Variants in GXYLT2 observed in about 807,000 individuals in gnomAD.
GXYLT2 encodes the protein glucoside xylosyltransferase 2.
In GXYLT2, 53 loss-of-function variants were observed where a neutral mutation model predicts 45.8. That is an observed-to-expected ratio of 1.16 (90% CI 0.93 to 1.46). The LOEUF (loss-of-function observed/expected upper bound fraction) is 1.46. Ranked by LOEUF, GXYLT2 falls within the 40% of genes most tolerant of loss-of-function variation. GXYLT2 has a pLI of 0.00. For synonymous variants in GXYLT2, 219 were observed against 214.2 expected (o/e 1.02, Z -0.19); for missense variants, 551 against 544.4 (o/e 1.01, Z -0.12).
At chr3:72,953,074 C>T (rs1267351652) in intron 3 of GXYLT2, among the ~76,000 whole-genome samples, 1 of 152,022 alleles carries the variant, frequency 6.6e-6, no homozygotes, top group Non-Finnish European at 1.5e-5. Flanking sequence ...CTAAGCAGTT[C>T]GCACAGGAGA....
intron 1 of GXYLT2, among the ~76,000 whole-genome samples, chr3:72,897,024 A>G (rs1459589506): frequency 1.3e-5 from 2 of 152,200 alleles, no homozygotes; most frequent in African/African-American, 2.4e-5. Context: ...TAATAGTAAT[A>G]ATGATGATGA....
chr3:72,957,400 C>A (rs745784898), intron 5 of GXYLT2, 48 bp downstream of exon 5: 34 of 1,540,620 alleles, frequency 2.2e-5, no homozygotes, highest in Non-Finnish European at 2.9e-5. Context: ...ACACTCAGCA[C>A]ACCCCACGGA....
At chr3:72,898,579 TG>T (rs905749835) in intron 1 of GXYLT2, among the ~76,000 whole-genome samples, 1 of 152,016 alleles carries the variant, frequency 6.6e-6, no homozygotes, top group Admixed American at 6.5e-5. Flanking sequence ...GAATGGCAGA[TG>T]GGGTGGGTTA....
intron 2 of GXYLT2, among the ~76,000 whole-genome samples, chr3:72,921,917 G>A (rs1177797260): frequency 6.6e-6 from 1 of 152,112 alleles, no homozygotes; most frequent in South Asian, 2.1e-4. Flanking sequence ...CTTTTGGGGT[G>A]TTGTTACCAG....
chr3:72,936,702 G>A (rs1273291503), intron 3 of GXYLT2, among the ~76,000 whole-genome samples: 3 of 152,048 alleles, frequency 2.0e-5, no homozygotes, highest in African/African-American at 7.2e-5. Context: ...ACAGCAAAAA[G>A]AGTCATTAAT....
chr3:72,974,955 CTTT>C lies in GXYLT2; in HGVS notation c.1150-15_1150-13del, dbSNP rs746999325. ...AATGGCATTTCCGTTACTAAATAAACTTTTTTTTTGTCATCTTTCAGTTTCCCT... is the reference window on the plus strand; with the variant it reads ...AATGGCATTTCCGTTACTAAATAAACTTTTTTGTCATCTTTCAGTTTCCCT... On this transcript the variant is annotated intron_variant, in intron 6 of 6. Coordinates refer to ENST00000389617, the MANE Select transcript of GXYLT2 (RefSeq NM_001080393.2). 1 of 1,495,146 alleles carries C rather than the reference CTTT, an allele frequency of 6.7e-7. No homozygotes were observed. Among genetic ancestry groups the C allele is most frequent in the Non-Finnish European group, 9.0e-7 (1 of 1,107,768 alleles). The allele number at this position is 1,495,146 out of a possible 1,614,324, so 92.6% of individuals were successfully genotyped here.
At chr3:72,929,222 CATG>C in intron 3 of GXYLT2, 1 of 1,575,592 alleles carries the variant, frequency 6.3e-7, no homozygotes, top group Non-Finnish European at 8.6e-7. Flanking sequence ...TCACCAATCT[CATG>C]AGGAGAGGGA....
intron 2 of GXYLT2, among the ~76,000 whole-genome samples, chr3:72,913,170 T>C (rs1213036628): frequency 6.6e-6 from 1 of 151,246 alleles, no homozygotes; most frequent in Non-Finnish European, 1.5e-5. Context: ...CCCGAGTAGC[T>C]GGGACTACAG....
intron 3 of GXYLT2, among the ~76,000 whole-genome samples, chr3:72,940,292 A>C (rs767633370): frequency 1.3e-5 from 2 of 152,270 alleles, no homozygotes; most frequent in Non-Finnish European, 2.9e-5. Flanking sequence ...TATGACTGTG[A>C]ATAAGATATC....
chr3:72,958,666 C>G (rs984857636), intron 5 of GXYLT2, among the ~76,000 whole-genome samples: 3 of 131,006 alleles, frequency 2.3e-5, no homozygotes, highest in African/African-American at 8.8e-5. Context: ...GAGTCTGGCT[C>G]TGTCGCCCAG....
rs760395909 is a variant in GXYLT2, at chr3:72,975,049, A to G, written c.1222A>G (p.Thr408Ala). The change falls in exon 7 of 7, where the codon ACT (threonine) becomes GCT (alanine). Residue 408 changes from threonine to alanine, a missense_variant. Coordinates refer to ENST00000389617, the MANE Select transcript of GXYLT2 (RefSeq NM_001080393.2). ...GCTGAAGTTTTTGGAGACTGTGCAC[A>G]CTTTATGTGGACGAATCCCGCAAGT... The part of the protein sequence containing the change: ...LQLKFLETVH[T>A]LCGRIPQVFL... 4.3e-6 allele frequency: 7 copies of G among 1,613,378 alleles called. No homozygotes were observed. Among genetic ancestry groups the G allele is most frequent in the Non-Finnish European group, 5.9e-6 (7 of 1,179,616 alleles).
At chr3:72,945,382 C>G (rs753747686) in intron 3 of GXYLT2, among the ~76,000 whole-genome samples, 21 of 152,214 alleles carry the variant, frequency 1.4e-4, no homozygotes, top group Admixed American at 7.2e-4. Flanking sequence ...TTATTGGATG[C>G]CTAGCATATA....
chr3:72,942,524 G>T (rs914547455), intron 3 of GXYLT2, among the ~76,000 whole-genome samples: 1 of 152,092 alleles, frequency 6.6e-6, no homozygotes, highest in Non-Finnish European at 1.5e-5. Context: ...AAGAAAAAGG[G>T]GAAATCCTTA....
chr3:72,930,059 G>A (rs1481055802), intron 3 of GXYLT2, among the ~76,000 whole-genome samples: 1 of 148,272 alleles, frequency 6.7e-6, no homozygotes, highest in East Asian at 2.0e-4. Flanking sequence ...CCAGCTACTC[G>A]AGAGGGTGAG....
intron 3 of GXYLT2, among the ~76,000 whole-genome samples, chr3:72,954,252 C>T (rs1322080435): frequency 1.3e-5 from 2 of 151,806 alleles, no homozygotes; most frequent in African/African-American, 2.4e-5. Context: ...GGACTACAGG[C>T]GCACACCACC....
intron 1 of GXYLT2, among the ~76,000 whole-genome samples, chr3:72,900,473 G>A (rs966020695): frequency 6.6e-6 from 1 of 151,982 alleles, no homozygotes; most frequent in African/African-American, 2.4e-5. Flanking sequence ...GAATGCAAAT[G>A]GCACAATCTC....
intron 3 of GXYLT2, among the ~76,000 whole-genome samples, chr3:72,943,493 C>T (rs1231636157): frequency 6.6e-6 from 1 of 151,600 alleles, no homozygotes; most frequent in Non-Finnish European, 1.5e-5. Context: ...CCTCCCTCCT[C>T]AGCCTCCCGA....
chr3:72,914,520 CAT>C (rs200706674), intron 2 of GXYLT2, among the ~76,000 whole-genome samples: 65 of 146,058 alleles, frequency 4.5e-4, no homozygotes, highest in Admixed American at 1.1e-3. Context: ...TATATATTTA[CAT>C]ATATATGTGT....
chr3:72,937,200 C>A (rs1360010277), intron 3 of GXYLT2, among the ~76,000 whole-genome samples: 1 of 152,212 alleles, frequency 6.6e-6, no homozygotes, highest in Non-Finnish European at 1.5e-5. Flanking sequence ...GGATTATTAT[C>A]AGCTTTTTTT....
Sources: allele counts gnomAD v4.1 joint callset (sites outside exome capture counted in the v4.1 genomes callset), GRCh38; gene constraint gnomAD v4.1.1; transcripts MANE v1.5; gene names NCBI Gene and HGNC (gene_info 2026-07-23, HGNC 2026-07-21).